Variants in GNB4 observed in about 807,000 individuals in gnomAD.
The protein encoded by GNB4 is G protein subunit beta 4, also known as guanine nucleotide-binding protein subunit beta-4.
Under a neutral mutation model 45.2 loss-of-function variants are expected in GNB4, and 28 were observed. The ratio of observed to expected loss-of-function variants is 0.62; its 90% CI spans 0.46 to 0.85. The LOEUF (loss-of-function observed/expected upper bound fraction) is 0.85. GNB4 is among the 40% of genes least tolerant of loss of function. The pLI is 0.00. For missense variants in GNB4, 321 were observed against 425.4 expected, an observed-to-expected ratio of 0.75 and a Z score of 2.16; for synonymous variants, 132 against 143.7, an observed-to-expected ratio of 0.92 and a Z score of 0.58.
the GNB4 span, among the ~76,000 whole-genome samples, chr3:179,503,354 A>G: frequency 5.3e-5 from 8 of 152,274 alleles, no homozygotes; most frequent in African/African-American, 1.9e-4. Flanking sequence ...TAATGCAGAT[A>G]CAGCAAAATA....
the GNB4 span, among the ~76,000 whole-genome samples, chr3:179,518,769 C>G: frequency 6.6e-6 from 1 of 152,176 alleles, no homozygotes; most frequent in East Asian, 1.9e-4. Context: ...AAAAAACCAG[C>G]CCAGTTCATG....
At chr3:179,402,777 G>C (rs1426178541) in intron 9 of GNB4, among the ~76,000 whole-genome samples, 2 of 152,164 alleles carry the variant, frequency 1.3e-5, no homozygotes, top group Admixed American at 6.5e-5. Context: ...GAACAGGTAG[G>C]GGCAAAGGCA....
intron 1 of GNB4, among the ~76,000 whole-genome samples, chr3:179,436,615 A>G (rs1715458157): frequency 6.6e-6 from 1 of 152,088 alleles, no homozygotes; most frequent in Admixed American, 6.6e-5. Flanking sequence ...TAACTAAGAA[A>G]TTTTAAAACA....
At chr3:179,430,620 A>AT (rs34316813) in intron 1 of GNB4, among the ~76,000 whole-genome samples, 8,461 of 135,760 alleles carry the variant, frequency 0.062, 741 homozygotes, top group African/African-American at 0.19. Flanking sequence ...TGCCTGGCTA[A>AT]TTTTTTTTTT....
At chr3:179,412,832 T>G (rs1577028171) in intron 8 of GNB4, among the ~76,000 whole-genome samples, 2 of 150,608 alleles carry the variant, frequency 1.3e-5, no homozygotes, top group South Asian at 2.1e-4. Flanking sequence ...TGTTTACTCA[T>G]GATAATCCCT....
chr3:179,489,116 G>T, the GNB4 span, among the ~76,000 whole-genome samples: 2 of 133,794 alleles, frequency 1.5e-5, no homozygotes, highest in African/African-American at 5.6e-5. Flanking sequence ...AAATCACTAT[G>T]AATTTTCAGT....
intron 1 of GNB4, 98 bp from the exon 2 acceptor site, chr3:179,426,340 G>T: frequency 1.7e-6 from 1 of 582,484 alleles, no homozygotes; most frequent in Non-Finnish European, 2.9e-6. Context: ...TGGACCTACT[G>T]AAATTCAATG....
At chr3:179,425,761 G>A (rs1197217233) in intron 2 of GNB4, among the ~76,000 whole-genome samples, 1 of 152,110 alleles carries the variant, frequency 6.6e-6, no homozygotes, top group East Asian at 1.9e-4. Flanking sequence ...ATGAGCCACT[G>A]TGCCCACCCT....
chr3:179,465,427 C>A, the GNB4 span: 1 of 449,592 alleles, frequency 2.2e-6, no homozygotes, highest in Non-Finnish European at 4.0e-6. Flanking sequence ...CATGGTGAAA[C>A]CCCCGTCTCT....
chr3:179,473,243 T>C, the GNB4 span, among the ~76,000 whole-genome samples: 2 of 152,010 alleles, frequency 1.3e-5, no homozygotes, highest in Admixed American at 6.6e-5. Context: ...TAGCATACAA[T>C]GGTAATTCTT....
At chr3:179,481,401 C>T in the GNB4 span, among the ~76,000 whole-genome samples, 1 of 151,922 alleles carries the variant, frequency 6.6e-6, no homozygotes, top group Admixed American at 6.6e-5. Flanking sequence ...CCTCTACCTC[C>T]TGGACTCAAG....
At chr3:179,465,183 A>G in the GNB4 span, 1 of 1,298,848 alleles carries the variant, frequency 7.7e-7, no homozygotes, top group Non-Finnish European at 1.1e-6. Flanking sequence ...AATAGAGTTC[A>G]TGATCCTGTA....
chr3:179,466,300 C>T, the GNB4 span, among the ~76,000 whole-genome samples: 9 of 152,014 alleles, frequency 5.9e-5, no homozygotes, highest in South Asian at 2.1e-4. Flanking sequence ...CATGAGCCAC[C>T]GCACCTGGCC....
intron 9 of GNB4, among the ~76,000 whole-genome samples, chr3:179,401,909 A>T (rs1714314238): frequency 6.6e-6 from 1 of 152,198 alleles, no homozygotes; most frequent in South Asian, 2.1e-4. Flanking sequence ...CACACATTAA[A>T]CTCATTTGAT....
At chr3:179,452,427 C>T (rs1057137554), upstream of GNB4, 1 of 152,082 alleles carries the variant, frequency 6.6e-6, no homozygotes, top group Non-Finnish European at 1.5e-5. Flanking sequence ...AAGAAACAGC[C>T]CTGGGTAGCG....
At chr3:179,498,852 T>C in the GNB4 span, among the ~76,000 whole-genome samples, 1 of 151,590 alleles carries the variant, frequency 6.6e-6, no homozygotes, top group Non-Finnish European at 1.5e-5. Flanking sequence ...GTGCCATGGT[T>C]GTTTGCTGCA....
chr3:179,507,307 A>T, the GNB4 span, among the ~76,000 whole-genome samples: 1 of 152,096 alleles, frequency 6.6e-6, no homozygotes, highest in Non-Finnish European at 1.5e-5. Context: ...TTCCGATGAT[A>T]TTATCACACA....
chr3:179,463,310 A>G, the GNB4 span, among the ~76,000 whole-genome samples: 3 of 152,244 alleles, frequency 2.0e-5, no homozygotes, highest in African/African-American at 4.8e-5. Flanking sequence ...GAAATTTACT[A>G]TCTTGTCTCC....
At chr3:179,420,772 A>C in intron 3 of GNB4, 117 bp downstream of exon 3, 1 of 703,540 alleles carries the variant, frequency 1.4e-6, no homozygotes, top group South Asian at 1.6e-5. Context: ...TTTTACACAG[A>C]GATTTCATTT....
Sources: gnomAD v4.1 joint callset for allele counts (sites outside exome capture counted in the v4.1 genomes callset) on GRCh38, gnomAD v4.1.1 for gene constraint, MANE v1.5 for transcripts, NCBI Gene and HGNC (gene_info 2026-07-23, HGNC 2026-07-21) for gene names.